The following CWC22 variants were observed in gnomAD, a reference collection of about 807,000 sequenced individuals.
CWC22 encodes CWC22 spliceosome associated protein.
Under a neutral mutation model 117.2 loss-of-function variants are expected in CWC22, and 53 were observed. The ratio of observed to expected loss-of-function variants is 0.45; its 90% CI spans 0.36 to 0.57. CWC22 has a LOEUF of 0.57. Among genes scored for constraint, CWC22 ranks in the 20% least tolerant of loss-of-function variants. CWC22 has a pLI of 0.00. For missense variants in CWC22, 980 were observed against 1,068.8 expected (o/e 0.92, Z 1.16); for synonymous variants, 360 against 355.6 (o/e 1.01, Z -0.14).
intron 6 of CWC22, among the ~76,000 whole-genome samples, chr2:179,975,729 C>G (rs1317458418): frequency 6.6e-6 from 1 of 152,068 alleles, no homozygotes; most frequent in Non-Finnish European, 1.5e-5. Flanking sequence ...GATGAAAGAG[C>G]TGTACACTAA....
chr2:179,969,239 T>C (rs1196095446), intron 11 of CWC22, among the ~76,000 whole-genome samples: 2 of 152,116 alleles, frequency 1.3e-5, no homozygotes, highest in African/African-American at 4.8e-5. Flanking sequence ...AGGGAGACTG[T>C]AGGAAAAGAG....
At chr2:179,956,620 GTCTCAAGTTA>G (rs928533549) in intron 14 of CWC22, among the ~76,000 whole-genome samples, 3 of 150,182 alleles carry the variant, frequency 2.0e-5, no homozygotes, top group Admixed American at 1.3e-4. Flanking sequence ...ATAAAGATAA[GTCTCAAGTTA>G]TCTCAAGTTA....
intron 5 of CWC22, among the ~76,000 whole-genome samples, chr2:179,978,784 C>A (rs1472432891): frequency 1.3e-5 from 2 of 151,864 alleles, no homozygotes; most frequent in Non-Finnish European, 2.9e-5. Flanking sequence ...ATGACAGAGA[C>A]AACAAAATTA....
chr2:179,980,272 A>G (rs941879870), intron 5 of CWC22, among the ~76,000 whole-genome samples: 1 of 152,164 alleles, frequency 6.6e-6, no homozygotes, highest in African/African-American at 2.4e-5. Context: ...CACTTCAAAT[A>G]TCACTGCCAA....
chr2:179,945,367 A>T lies in CWC22; in HGVS notation c.2489T>A (p.Phe830Tyr). Residue 830 changes from phenylalanine to tyrosine, a missense_variant, in exon 20 of 20, where the codon TTT becomes TAT. This residue lies in a region of CWC22 where 306 missense variants were observed against 296.8 expected (regional missense o/e 1.03). Transcript: ENST00000410053. Reference sequence around the variant, plus strand: ...GTGTGTATGCTTCTCATTTTCAGAAAAAGAATTTCTTCTCTCTCCTCTCTT... The same window carrying T: ...GTGTGTATGCTTCTCATTTTCAGAATAAGAATTTCTTCTCTCTCCTCTCTT... ...KKKRGERRNS[F>Y]SENEKHTHRI... is the part of the protein sequence containing the mutation. 6.2e-7 allele frequency: 1 copy of T among 1,612,502 alleles called. No individual in the cohort carries two copies. The highest frequency in any genetic ancestry group is 8.5e-7 in the Non-Finnish European group (1 of 1,179,416).
At chr2:179,952,996 G>A (rs1278878522) in intron 16 of CWC22, among the ~76,000 whole-genome samples, 1 of 151,906 alleles carries the variant, frequency 6.6e-6, no homozygotes, top group Non-Finnish European at 1.5e-5. Context: ...CATAACATAC[G>A]ATTTAAAAAA....
chr2:179,958,306 G>C (rs1686650223), intron 14 of CWC22, among the ~76,000 whole-genome samples: 1 of 146,474 alleles, frequency 6.8e-6, no homozygotes, highest in Admixed American at 7.0e-5. Context: ...ACTCTAGCCT[G>C]GGCGACATAG....
At chr2:179,952,396 G>A (rs1686473173) in intron 17 of CWC22, 75 bp downstream of exon 17, 3 of 1,082,070 alleles carry the variant, frequency 2.8e-6, no homozygotes, top group Non-Finnish European at 3.7e-6. Flanking sequence ...TACAGTCTCG[G>A]ATGGGCTTAT....
chr2:179,964,459 GT>G (rs1686836767), intron 13 of CWC22, 87 bp downstream of exon 13: 1 of 663,524 alleles, frequency 1.5e-6, no homozygotes, highest in South Asian at 2.1e-5. Flanking sequence ...CCAGTTTTCT[GT>G]TATGAGACCC....
chr2:179,970,781 A>G lies in CWC22; in HGVS notation c.1016T>C (p.Met339Thr), dbSNP rs765818522. 1 of 1,613,816 alleles carries G rather than the reference A, an allele frequency of 6.2e-7. No homozygotes were observed. The highest frequency in any genetic ancestry group is 2.2e-5 in the East Asian group (1 of 44,850). Residue 339 changes from methionine to threonine, a missense_variant, in exon 10 of 20, where the codon ATG becomes ACG. Coordinates refer to ENST00000410053, the MANE Select transcript of CWC22 (RefSeq NM_020943.3). ...GAATCCATCTTTCCGTACAGCAAAC[A>G]TCACTTCAATCATATATTGAACTCT... ...DKRVQYMIEV[M>T]FAVRKDGFKD...
chr2:179,954,393 A>C, intron 15 of CWC22, 36 bp from the exon 16 acceptor site: 1 of 1,325,230 alleles, frequency 7.5e-7, no homozygotes, highest in South Asian at 1.4e-5. Context: ...TAAAAATTGA[A>C]TGTTAATACA....
chr2:179,950,439 T>C, intron 19 of CWC22, 73 bp downstream of exon 19: 1 of 898,682 alleles, frequency 1.1e-6, no homozygotes. Flanking sequence ...ATCAAATTAT[T>C]TTCTTCCTTC....
rs1479948748 is a variant in CWC22, at chr2:180,000,732, TA to T, written c.-114+6134del. On this transcript the variant is annotated intron_variant, in intron 1 of 19. Transcript: ENST00000410053. ...TGTTTTCTGTAAGAAGTAAGTAATA[TA>T]AAAGCATTTGACTGGTCTGCAACTC... 1.8e-4 allele frequency among the ~76,000 whole-genome samples: 27 copies of T among 151,990 alleles called. No individual in the cohort carries two copies. The East Asian group carries it at 4.8e-3, about 27-fold the overall frequency.
In CWC22 at chr2:179,970,494, T is replaced by C. The variant is rs763176264; in HGVS notation, c.1210+7A>G. On this transcript the variant is annotated splice_region_variant and intron_variant, in intron 11 of 19. Coordinates refer to ENST00000410053, the MANE Select transcript of CWC22 (RefSeq NM_020943.3). ...CAAACTAAATTATTTTATAAAATTT[T>C]ACATACCTTTCTTAATAGCTTTGTA... is the stretch of plus-strand genomic sequence containing the variant. The C allele has an allele frequency of 1.3e-6, 2 of 1,521,078 alleles. No individual in the cohort carries two copies. Among genetic ancestry groups the C allele is most frequent in the South Asian group, 2.5e-5 (2 of 80,746 alleles). The allele number at this position is 1,521,078 out of a possible 1,614,324, so 94.2% of individuals were successfully genotyped here. A position where few individuals can be genotyped will look rare whatever the true frequency, so the allele number is the denominator to read the frequency against.
At chr2:179,951,542 A>G (rs16867118) in intron 17 of CWC22, among the ~76,000 whole-genome samples, 2,886 of 152,184 alleles carry the variant, frequency 0.019, 101 homozygotes, top group African/African-American at 0.065. Context: ...GGTACAATAT[A>G]AGAAGAATGA....
At position 179,957,568 on chromosome 2, in the gene CWC22, G is replaced by A. The variant is rs564139020; in HGVS notation, c.1458+1454C>T. ...TAAAAACAGGCAGCAGGCCTCCACC[G>A]CAGGCTGCCAACCTCTGTAACACAT... On this transcript the variant is annotated intron_variant, in intron 14 of 19. Transcript: ENST00000410053. 3.9e-5 allele frequency among the ~76,000 whole-genome samples: 6 copies of A among 152,192 alleles called. No individual in the cohort carries two copies. The East Asian group carries it at 5.8e-4, about 15-fold the overall frequency.
chr2:179,977,187 T>TG (rs111298589), intron 6 of CWC22, among the ~76,000 whole-genome samples: 26 of 152,006 alleles, frequency 1.7e-4, no homozygotes, highest in African/African-American at 6.0e-4. Flanking sequence ...AATTTTTTTT[T>TG]ATTGTAACTA....
intron 6 of CWC22, among the ~76,000 whole-genome samples, chr2:179,975,485 T>C (rs1279178562): frequency 6.6e-6 from 1 of 152,112 alleles, no homozygotes; most frequent in Admixed American, 6.5e-5. Context: ...AAATCAAAAA[T>C]AGAGAAGCCT....
chr2:179,975,750 T>C (rs918142310), intron 6 of CWC22, among the ~76,000 whole-genome samples: 6 of 152,030 alleles, frequency 3.9e-5, no homozygotes, highest in Non-Finnish European at 8.8e-5. Flanking sequence ...AAACTACAAA[T>C]TGCTGATGAA....
Sources: gnomAD v4.1 joint callset for allele counts (sites outside exome capture counted in the v4.1 genomes callset) on GRCh38, gnomAD v4.1.1 for gene constraint, gnomAD v4.1.1 regional missense constraint, MANE v1.5 for transcripts, NCBI Gene and HGNC (gene_info 2026-07-23, HGNC 2026-07-21) for gene names.